Variants in SMYD3 observed in about 807,000 individuals in gnomAD.
SMYD3 encodes histone-lysine N-methyltransferase SMYD3.
SMYD3 carries 36 observed loss-of-function variants against 57.7 expected under a neutral mutation model. The observed-to-expected ratio is 0.62, with a 90% CI of 0.48 to 0.82. SMYD3 has a LOEUF of 0.82. Ranked by LOEUF, SMYD3 falls within the 40% of genes least tolerant of loss-of-function variation. The probability of loss-of-function intolerance (pLI) is 0.00; values close to 1 mark genes in which losing one functional copy is unlikely to be tolerated. For missense variants in SMYD3, 515 were observed against 538.8 expected (o/e 0.96, Z 0.44); for synonymous variants, 211 against 195.0 (o/e 1.08, Z -0.68).
intron 5 of SMYD3, among the ~76,000 whole-genome samples, chr1:246,232,527 A>T (rs2063429700): frequency 6.7e-6 from 1 of 149,710 alleles, no homozygotes; most frequent in South Asian, 2.1e-4. Flanking sequence ...CCTTCAATCC[A>T]CACTGTGATG....
chr1:245,962,219 A>G (rs988501122), intron 5 of SMYD3, among the ~76,000 whole-genome samples: 5 of 152,240 alleles, frequency 3.3e-5, no homozygotes, highest in Admixed American at 6.5e-5. Context: ...AAAGGCTGCA[A>G]GTAATCAATC....
At chr1:246,364,374 CAG>C (rs1558425995) in intron 1 of SMYD3, among the ~76,000 whole-genome samples, 1 of 152,092 alleles carries the variant, frequency 6.6e-6, no homozygotes, top group African/African-American at 2.4e-5. Flanking sequence ...AATGACAAAA[CAG>C]AACAGCTCTT....
chr1:246,495,297 C>G (rs4654114), intron 1 of SMYD3, among the ~76,000 whole-genome samples: 1 of 140,852 alleles, frequency 7.1e-6, no homozygotes. Context: ...TGCTGTGAGC[C>G]GAGATCATGC....
intron 10 of SMYD3, among the ~76,000 whole-genome samples, chr1:245,809,748 C>G (rs2048361424): frequency 1.3e-5 from 2 of 152,246 alleles, no homozygotes; most frequent in Admixed American, 1.3e-4. Context: ...CAGGCCAGCA[C>G]AGAGGAGCTT....
intron 5 of SMYD3, among the ~76,000 whole-genome samples, chr1:246,066,365 G>C (rs1052515659): frequency 6.6e-6 from 1 of 152,198 alleles, no homozygotes; most frequent in Non-Finnish European, 1.5e-5. Context: ...AAGACATTTA[G>C]AAAGCTGCTG....
chr1:246,301,721 C>A (rs1243390083), intron 5 of SMYD3, among the ~76,000 whole-genome samples: 2 of 152,134 alleles, frequency 1.3e-5, no homozygotes, highest in Non-Finnish European at 2.9e-5. Flanking sequence ...CCAAGGGCAA[C>A]TGATGTGTCT....
rs2051378932 is a variant in SMYD3 at position 245,858,657 on chromosome 1, A to C, written c.915T>G (p.Val305=). ...TTATGATTGCCTGGCACATGGCCAG[A>C]ACCTGCTCCCACTCTGTTATTAACC... ...ELKAHWKWEQ[V]LAMCQAIISS... is the part of the protein sequence containing the mutation. The change falls in exon 10 of 12, where the codon GTT becomes GTG. Residue 305 remains valine, a synonymous_variant. Coordinates refer to ENST00000490107, the MANE Select transcript of SMYD3 (RefSeq NM_001167740.2). 1 of 1,613,976 alleles carries C rather than the reference A, an allele frequency of 6.2e-7. No homozygotes were observed. Among genetic ancestry groups the C allele is most frequent in the East Asian group, 2.2e-5 (1 of 44,886 alleles).
chr1:246,235,181 A>G (rs1331407177), intron 5 of SMYD3, among the ~76,000 whole-genome samples: 1 of 152,212 alleles, frequency 6.6e-6, no homozygotes, highest in African/African-American at 2.4e-5. Flanking sequence ...ATATACAATC[A>G]TAGAAGAAAA....
intron 5 of SMYD3, among the ~76,000 whole-genome samples, chr1:246,223,634 T>C (rs942079134): frequency 2.7e-4 from 41 of 152,132 alleles, no homozygotes; most frequent in African/African-American, 9.9e-4. Context: ...CCTACGACTA[T>C]ACTATAGGTG....
At chr1:246,007,215 G>A (rs965472673) in intron 5 of SMYD3, among the ~76,000 whole-genome samples, 2 of 152,138 alleles carry the variant, frequency 1.3e-5, no homozygotes, top group African/African-American at 2.4e-5. Context: ...TTCCCAATCC[G>A]TAGAAAGCAA....
chr1:246,339,888 A>G (rs937927685), intron 2 of SMYD3, among the ~76,000 whole-genome samples: 2 of 152,220 alleles, frequency 1.3e-5, no homozygotes, highest in Non-Finnish European at 2.9e-5. Context: ...TGCAGCAAGA[A>G]GGCCCTTACA....
At chr1:246,197,355 C>G (rs2062842438) in intron 5 of SMYD3, among the ~76,000 whole-genome samples, 1 of 151,904 alleles carries the variant, frequency 6.6e-6, no homozygotes, top group Non-Finnish European at 1.5e-5. Flanking sequence ...AACGCGACCT[C>G]AGCTAGGTGA....
chr1:246,316,866 C>G (rs935400769), intron 5 of SMYD3, among the ~76,000 whole-genome samples: 1 of 150,608 alleles, frequency 6.6e-6, no homozygotes, highest in African/African-American at 2.4e-5. Context: ...TGGTGGTGTG[C>G]GGCCTGTAGT....
At chr1:246,048,836 G>A (rs184974990) in intron 5 of SMYD3, among the ~76,000 whole-genome samples, 2 of 152,050 alleles carry the variant, frequency 1.3e-5, no homozygotes, top group East Asian at 3.9e-4. Flanking sequence ...ACAAAGTAAT[G>A]TCTGTTGTGG....
At chr1:246,169,476 G>A (rs779435352) in intron 5 of SMYD3, among the ~76,000 whole-genome samples, 2 of 150,438 alleles carry the variant, frequency 1.3e-5, no homozygotes, top group African/African-American at 2.5e-5. Context: ...TAATGTTCCT[G>A]GAGTAGCAAA....
intron 5 of SMYD3, among the ~76,000 whole-genome samples, chr1:246,191,500 G>T (rs2062738472): frequency 6.6e-6 from 1 of 151,806 alleles, no homozygotes; most frequent in South Asian, 2.1e-4. Context: ...TGAAAGACAA[G>T]AAAATTTTAA....
chr1:246,335,516 T>C (rs772646917), intron 2 of SMYD3, 42 bp from the exon 3 acceptor site: 1 of 1,515,898 alleles, frequency 6.6e-7, no homozygotes, highest in African/African-American at 1.4e-5. Context: ...GACCTAAAAT[T>C]TAACTTTCAT....
At position 245,829,067 on chromosome 1, in the gene SMYD3, C is replaced by T. The variant is rs534208516; in HGVS notation, c.1076+29429G>A. 3.8e-3 allele frequency among the ~76,000 whole-genome samples: 383 copies of T among 101,542 alleles called. 3 individuals are homozygous for T. Among genetic ancestry groups the T allele is most frequent in the African/African-American group, 0.011 (361 of 32,898 alleles). 66.6% of individuals were successfully genotyped at this position (101,542 alleles called of 152,430 possible). ...GAGTTGTCCTCTTCACCTTCTTAGC[C>T]TGGCTTTTTTTTTTTTTTTTCTGTA... is the stretch of plus-strand genomic sequence containing the variant. On this transcript the variant is annotated intron_variant, in intron 10 of 11. Coordinates refer to ENST00000490107, the MANE Select transcript of SMYD3 (RefSeq NM_001167740.2).
chr1:246,088,987 G>A (rs2060775181), intron 5 of SMYD3, among the ~76,000 whole-genome samples: 2 of 151,998 alleles, frequency 1.3e-5, no homozygotes, highest in Admixed American at 1.3e-4. Flanking sequence ...TATTTGAGAT[G>A]ATCTTTTATT....
Sources: gnomAD v4.1 joint callset for allele counts (sites outside exome capture counted in the v4.1 genomes callset) on GRCh38, gnomAD v4.1.1 for gene constraint, MANE v1.5 for transcripts, NCBI Gene and HGNC (gene_info 2026-07-23, HGNC 2026-07-21) for gene names.